Variants in MUSK observed in about 807,000 individuals in gnomAD.
The protein encoded by MUSK is muscle, skeletal receptor tyrosine-protein kinase.
Under a neutral mutation model 88.7 loss-of-function variants are expected in MUSK, and 55 were observed. The observed-to-expected ratio is 0.62, with a 90% CI of 0.50 to 0.78. The LOEUF is 0.78. Ranked by LOEUF, MUSK falls within the 30% of genes least tolerant of loss-of-function variation. MUSK has a pLI of 0.00. For synonymous variants in MUSK, 387 were observed against 391.9 expected (o/e 0.99, Z 0.15); for missense variants, 1,015 against 1,074.3 (o/e 0.94, Z 0.77).
At chr9:110,689,742 A>ATATATATAAT (rs2076278914) in intron 3 of MUSK, among the ~76,000 whole-genome samples, 1 of 55,876 alleles carries the variant, frequency 1.8e-5, no homozygotes, top group Non-Finnish European at 2.8e-5. Flanking sequence ...TATATATAAT[A>ATATATATAAT]TTATATATTA....
chr9:110,698,439 AGACTT>A (rs1347277993), intron 5 of MUSK, among the ~76,000 whole-genome samples: 1 of 152,214 alleles, frequency 6.6e-6, no homozygotes, highest in Non-Finnish European at 1.5e-5. Context: ...AATCAGGAAA[AGACTT>A]GAAGAGTTCT....
chr9:110,690,004 A>G (rs1185497856), intron 3 of MUSK, among the ~76,000 whole-genome samples: 1 of 91,504 alleles, frequency 1.1e-5, no homozygotes, highest in African/African-American at 4.6e-5. Flanking sequence ...TATATTATAT[A>G]TTATAAATAT....
intron 7 of MUSK, among the ~76,000 whole-genome samples, chr9:110,748,549 T>C (rs747308212): frequency 9.9e-5 from 15 of 152,158 alleles, no homozygotes; most frequent in Non-Finnish European, 1.8e-4. Context: ...ATTTATAGAA[T>C]TCCTAGAGAT....
At position 110,784,877 on chromosome 9, in the gene MUSK, T is replaced by C. The variant is rs1402697571; in HGVS notation, c.1447T>C (p.Ser483Pro). The change falls in exon 12 of 15, where the codon TCT (serine) becomes CCT (proline). Residue 483 changes from serine (S) to proline (P), a missense_variant. Physicochemically the swap from Ser to Pro is moderately conservative, Grantham distance 74. Coordinates refer to ENST00000374448, the MANE Select transcript of MUSK (RefSeq NM_005592.4). ...VDIPNLPSSSSSSFSVSPTYS... is the reference protein window; with the variant it reads ...VDIPNLPSSSPSSFSVSPTYS... ...CATTCCAAATCTGCCTTCCTCCTCCTCTTCTTCCTTCTCTGTCTCACCTAC... is the reference window on the plus strand; with the variant it reads ...CATTCCAAATCTGCCTTCCTCCTCCCCTTCTTCCTTCTCTGTCTCACCTAC... 16 of 1,613,906 alleles carry C rather than the reference T, an allele frequency of 9.9e-6. No individual in the cohort carries two copies. The highest frequency in any genetic ancestry group is 1.4e-5 in the Non-Finnish European group (16 of 1,179,840).
chr9:110,800,234 T>G, intron 14 of MUSK, 72 bp from the exon 15 acceptor site: 1 of 1,366,930 alleles, frequency 7.3e-7, no homozygotes, highest in Non-Finnish European at 1.0e-6. Context: ...CATGGTCGTT[T>G]GCTTTTGGAG....
At chr9:110,680,954 G>GAT (rs1238642912) in intron 1 of MUSK, among the ~76,000 whole-genome samples, 7 of 91,000 alleles carry the variant, frequency 7.7e-5, no homozygotes, top group African/African-American at 1.8e-4. Context: ...TGATCCTTAT[G>GAT]ATATATATAT....
At chr9:110,786,661 GACAA>G (rs2077871996) in intron 13 of MUSK, among the ~76,000 whole-genome samples, 1 of 151,980 alleles carries the variant, frequency 6.6e-6, no homozygotes, top group Admixed American at 6.6e-5. Context: ...TTCATGAAAT[GACAA>G]ACAGAAAAGG....
rs139814936 is a variant in MUSK, at chr9:110,712,795, A to G, written c.628+15329A>G. Among the ~76,000 whole-genome samples the G allele has an allele frequency of 1.0e-3, 155 of 152,336 alleles. 1 individual carries two copies. The highest frequency in any genetic ancestry group is 3.4e-3 in the Middle Eastern group (1 of 294). The stretch of plus-strand genomic sequence containing the variant: ...ATTTGTGGAATGCCTACTATGTTCT[A>G]TGCAATGAGGTAATTCTTAAGGATA... On this transcript the variant is annotated intron_variant, in intron 5 of 14. Transcript: ENST00000374448.
chr9:110,726,391 A>C (rs945206778), intron 5 of MUSK, among the ~76,000 whole-genome samples: 9 of 152,090 alleles, frequency 5.9e-5, no homozygotes, highest in Non-Finnish European at 1.3e-4. Flanking sequence ...GAAAAATTTC[A>C]AAGGAAAATT....
At chr9:110,704,112 T>G (rs2076565883) in intron 5 of MUSK, among the ~76,000 whole-genome samples, 2 of 152,162 alleles carry the variant, frequency 1.3e-5, no homozygotes, top group South Asian at 4.1e-4. Flanking sequence ...AAATCAAACT[T>G]TAAAATGTAT....
At chr9:110,777,262 C>T (rs1055682382) in intron 11 of MUSK, among the ~76,000 whole-genome samples, 6 of 152,034 alleles carry the variant, frequency 3.9e-5, no homozygotes, top group Admixed American at 3.9e-4. Context: ...TGCAGAAATC[C>T]TCAGGATGAA....
intron 3 of MUSK, among the ~76,000 whole-genome samples, chr9:110,688,722 A>G (rs1256354109): frequency 6.6e-6 from 1 of 151,644 alleles, no homozygotes; most frequent in African/African-American, 2.4e-5. Flanking sequence ...GTGTTTGGTT[A>G]TCTGTTCCTG....
intron 11 of MUSK, among the ~76,000 whole-genome samples, chr9:110,780,314 G>A (rs2077731063): frequency 6.6e-6 from 1 of 152,068 alleles, no homozygotes; most frequent in East Asian, 1.9e-4. Context: ...CCCACCCCAT[G>A]GGACTTTCAG....
At chr9:110,676,643 C>A (rs552669564) in intron 1 of MUSK, among the ~76,000 whole-genome samples, 2 of 151,980 alleles carry the variant, frequency 1.3e-5, no homozygotes, top group African/African-American at 4.8e-5. Context: ...TAAGTGAAAA[C>A]GTGGTGTTTG....
Position 110,695,535 on chromosome 9 carries a change from G to A in MUSK, c.486+5G>A. 6.5e-7 allele frequency: 1 copy of A among 1,548,488 alleles called. No individual in the cohort carries two copies. The highest frequency in any genetic ancestry group is 2.4e-5 in the East Asian group (1 of 41,716). On this transcript the variant is annotated splice_donor_5th_base_variant and intron_variant, in intron 4 of 14. Coordinates refer to ENST00000374448, the MANE Select transcript of MUSK (RefSeq NM_005592.4). Reference sequence around the variant, plus strand: ...AAGGGAGACAGCCCTCTCAGGGTAAGTGGTTATGATGTTAAAACACATATA... The same window carrying A: ...AAGGGAGACAGCCCTCTCAGGGTAAATGGTTATGATGTTAAAACACATATA...
intron 7 of MUSK, among the ~76,000 whole-genome samples, chr9:110,756,332 A>G (rs1443197166): frequency 6.6e-6 from 1 of 151,694 alleles, no homozygotes; most frequent in Non-Finnish European, 1.5e-5. Flanking sequence ...CTTGATCTCA[A>G]TCCCTATTGA....
intron 1 of MUSK, among the ~76,000 whole-genome samples, chr9:110,680,182 T>G (rs965184863): frequency 6.6e-6 from 1 of 152,118 alleles, no homozygotes; most frequent in African/African-American, 2.4e-5. Flanking sequence ...CTAACAGTTA[T>G]TTTTACGCAG....
intron 1 of MUSK, among the ~76,000 whole-genome samples, chr9:110,673,378 T>G (rs986693559): frequency 6.6e-6 from 1 of 152,202 alleles, no homozygotes; most frequent in Non-Finnish European, 1.5e-5. Context: ...ATTTCTGGTC[T>G]GCAAGTGGAA....
Position 110,801,074 on chromosome 9 carries a change from C to T in MUSK, c.*86C>T. ...TCCTACACCAGAGGCCCAACAAGACCCACATAGGAAAGAGTAAGAGTAAAC... is the reference window on the plus strand; with the variant it reads ...TCCTACACCAGAGGCCCAACAAGACTCACATAGGAAAGAGTAAGAGTAAAC... On this transcript the variant is annotated 3_prime_UTR_variant, in exon 15 of 15. Transcript: ENST00000374448. 8.3e-7 allele frequency: 1 copy of T among 1,198,820 alleles called. No individual in the cohort carries two copies. The highest frequency in any genetic ancestry group is 1.1e-6 in the Non-Finnish European group (1 of 890,950). The allele number at this position is 1,198,820 out of a possible 1,614,324, so 74.3% of individuals were successfully genotyped here.
Sources: allele counts gnomAD v4.1 joint callset (sites outside exome capture counted in the v4.1 genomes callset), GRCh38; gene constraint gnomAD v4.1.1; transcripts MANE v1.5; gene names NCBI Gene and HGNC (gene_info 2026-07-23, HGNC 2026-07-21).